The following DLG4 variants were observed in gnomAD, a reference collection of about 807,000 sequenced individuals.
The protein encoded by DLG4 is disks large homolog 4.
A neutral mutation model predicts 93.8 loss-of-function variants in DLG4; 7 were observed. That is an observed-to-expected ratio of 0.07 (90% CI 0.04 to 0.14). The LOEUF (loss-of-function observed/expected upper bound fraction) is 0.14. Among genes scored for constraint, DLG4 ranks in the 10% least tolerant of loss-of-function variants. The pLI is 1.00. For missense variants in DLG4, 545 were observed against 992.9 expected (o/e 0.55, Z 6.06); for synonymous variants, 341 against 387.6 (o/e 0.88, Z 1.41).
At chr17:7,205,796 C>T (rs2070437462) in intron 2 of DLG4, among the ~76,000 whole-genome samples, 2 of 144,424 alleles carry the variant, frequency 1.4e-5, no homozygotes, top group Admixed American at 6.9e-5. Context: ...GCCCGTCCCC[C>T]ATCCCGCAGC....
In DLG4 at chr17:7,188,503, G is replaced by C. The variant is rs377281162; in HGVS notation, c.*2205C>G. ...AGTACCCCAGCAGGTGCCCCCAAAG[G>C]TTCATCTGTGCCAAACACATGAAGA... On this transcript the variant is annotated 3_prime_UTR_variant, in exon 20 of 20. Coordinates refer to ENST00000399506, the MANE Select transcript of DLG4 (RefSeq NM_001321075.3). 6.6e-6 allele frequency among the ~76,000 whole-genome samples: 1 copy of C among 152,092 alleles called. No homozygotes were observed. Among genetic ancestry groups the C allele is most frequent in the Non-Finnish European group, 1.5e-5 (1 of 68,024 alleles).
intron 8 of DLG4, among the ~76,000 whole-genome samples, chr17:7,200,632 C>T (rs1413509835): frequency 6.6e-6 from 1 of 151,880 alleles, no homozygotes; most frequent in African/African-American, 2.4e-5. Context: ...CCGCAACCTC[C>T]GCCTCCCAGG....
chr17:7,206,049 C>T (rs1371951619), intron 2 of DLG4, among the ~76,000 whole-genome samples: 2 of 151,940 alleles, frequency 1.3e-5, no homozygotes, highest in Admixed American at 1.3e-4. Context: ...CTGTCGCACC[C>T]TCCAGCCCCA....
Position 7,194,891 on chromosome 17 carries a change from T to G in DLG4, c.1302-396A>C, listed in dbSNP as rs1020381994. Among the ~76,000 whole-genome samples the G allele has an allele frequency of 6.6e-6, 1 of 151,328 alleles. No individual in the cohort carries two copies. Among genetic ancestry groups the G allele is most frequent in the Non-Finnish European group, 1.5e-5 (1 of 67,832 alleles). On this transcript the variant is annotated intron_variant, in intron 11 of 19. Coordinates refer to ENST00000399506, the MANE Select transcript of DLG4 (RefSeq NM_001321075.3). The surrounding 1 kb of genome is among the most constrained non-coding windows in gnomAD (Gnocchi z 4.4). ...AATATTAGCCGGGCACGGTGGCGGG[T>G]GCCTGTATTCCCAGCTTCTCGGGAG...
intron 17 of DLG4, 150 bp downstream of exon 17, chr17:7,192,795 A>T (rs1414718680): frequency 2.4e-6 from 2 of 840,258 alleles, no homozygotes; most frequent in Non-Finnish European, 3.6e-6. Flanking sequence ...AGTCAGACAG[A>T]GTTGCCCAAG....
intron 2 of DLG4, among the ~76,000 whole-genome samples, chr17:7,206,419 C>A (rs2070466938): frequency 6.6e-6 from 1 of 152,032 alleles, no homozygotes; most frequent in South Asian, 2.1e-4. Context: ...TGTCCTGAGA[C>A]CTCCACCCCA....
chr17:7,219,755 A>C, upstream of DLG4: 1 of 1,463,486 alleles, frequency 6.8e-7, no homozygotes, highest in South Asian at 1.4e-5. Context: ...GACGGGCGGG[A>C]TTAAGGAGTT....
rs1477093581 is a variant in DLG4 at position 7,187,305 on chromosome 17, CGAGGGGG to C, written c.*3396_*3402del. On this transcript the variant is annotated 3_prime_UTR_variant, in exon 20 of 20. Coordinates refer to ENST00000399506, the MANE Select transcript of DLG4 (RefSeq NM_001321075.3). ...CTGTAATCCTAGCACTTTGGGAGGC[CGAGGGGG>C]GGGGGGGTGGATCACCCGAGGTCAG... Among the ~76,000 whole-genome samples, 1 of 28,800 alleles carries C rather than the reference CGAGGGGG, an allele frequency of 3.5e-5. No individual in the cohort carries two copies. Among genetic ancestry groups the C allele is most frequent in the Admixed American group, 5.0e-4 (1 of 1,988 alleles). 18.9% of individuals were successfully genotyped at this position (28,800 alleles called of 152,430 possible). A position where few individuals can be genotyped will look rare whatever the true frequency, so the allele number is the denominator to read the frequency against.
At chr17:7,218,205 C>T (rs1369743828), upstream of DLG4, 2 of 1,588,568 alleles carry the variant, frequency 1.3e-6, no homozygotes, top group African/African-American at 1.3e-5. Flanking sequence ...CCTGCCTGCC[C>T]CTCAGGAAGT....
chr17:7,217,040 G>A, intron 1 of DLG4, 78 bp downstream of exon 1: 1 of 1,217,698 alleles, frequency 8.2e-7, no homozygotes, highest in Non-Finnish European at 1.0e-6. Flanking sequence ...AGGGGCGCCA[G>A]TCCCAGATAA....
intron 8 of DLG4, among the ~76,000 whole-genome samples, chr17:7,197,808 A>T (rs1222780): frequency 0.018 from 2,712 of 152,200 alleles, 99 homozygotes; most frequent in East Asian, 0.17. Flanking sequence ...CTAACAGGGA[A>T]ATTACTGCTT....
intron 2 of DLG4, among the ~76,000 whole-genome samples, chr17:7,205,392 G>T (rs1035560871): frequency 4.6e-5 from 7 of 152,148 alleles, no homozygotes; most frequent in Non-Finnish European, 1.0e-4. Flanking sequence ...TATGGCAATG[G>T]GGGGAGGCCG....
Position 7,191,200 on chromosome 17 carries a change from G to C in DLG4, c.2068+67C>G. 11 of 1,488,144 alleles carry C rather than the reference G, an allele frequency of 7.4e-6. 1 individual carries two copies. The South Asian group carries it at 8.0e-5, about 11-fold the overall frequency. The allele number at this position is 1,488,144 out of a possible 1,614,324, so 92.2% of individuals were successfully genotyped here. ...TTCTAAGCCATCCACTGGGGGTGGC[G>C]GGGGAGCTCTTTCTAATCCGAGCAA... is the stretch of plus-strand genomic sequence containing the variant. On this transcript the variant is annotated intron_variant, in intron 19 of 19. Coordinates refer to ENST00000399506, the MANE Select transcript of DLG4 (RefSeq NM_001321075.3). This position sits in a 1 kb window ranked among gnomAD's most constrained non-coding sequence, Gnocchi z 6.6.
intron 1 of DLG4, among the ~76,000 whole-genome samples, chr17:7,216,062 G>A (rs1340165690): frequency 2.0e-5 from 3 of 150,542 alleles, no homozygotes; most frequent in East Asian, 1.9e-4. Flanking sequence ...CAACCAGAGG[G>A]ACACTCTTGC....
At chr17:7,217,709 C>T, upstream of DLG4, 1 of 1,533,978 alleles carries the variant, frequency 6.5e-7, no homozygotes, top group Non-Finnish European at 8.7e-7. Context: ...TCCTTCTGTG[C>T]TGGCAGGAAC....
chr17:7,217,118 C>A lies in DLG4; in HGVS notation c.30G>T (p.Lys10Asn). MDCLCIVTT[K>N]KYRYQDEDTP... ...TTTATAGCCCCCCCATCATGCTTAC[C>A]TTGGTTGTCACTATACAGAGACAGT... Residue 10 changes from lysine to asparagine, a missense_variant and splice_region_variant, in exon 1 of 20, where the codon AAG (lysine) becomes AAT (asparagine). Physicochemically the swap from Lys to Asn is moderately conservative, Grantham distance 94. Around this residue, in one of 5 missense-constraint regions of DLG4, gnomAD observed 49 missense variants for 80.4 expected, o/e 0.61. Transcript: ENST00000399506. 7.7e-7 allele frequency: 1 copy of A among 1,292,484 alleles called. No individual in the cohort carries two copies. Among genetic ancestry groups the A allele is most frequent in the Non-Finnish European group, 9.8e-7 (1 of 1,018,104 alleles). 80.1% of individuals were successfully genotyped at this position (1,292,484 alleles called of 1,614,324 possible).
chr17:7,206,541 CT>C (rs2070472570), intron 2 of DLG4, among the ~76,000 whole-genome samples: 1 of 152,128 alleles, frequency 6.6e-6, no homozygotes, highest in Admixed American at 6.5e-5. Context: ...CCTCTTCCCC[CT>C]GCTCAGGGAT....
At position 7,188,184 on chromosome 17, in the gene DLG4, T is replaced by C. The variant is rs1258976821; in HGVS notation, c.*2524A>G. Among the ~76,000 whole-genome samples, 1 of 152,170 alleles carries C rather than the reference T, an allele frequency of 6.6e-6. No individual in the cohort carries two copies. The highest frequency in any genetic ancestry group is 1.5e-5 in the Non-Finnish European group (1 of 68,038). ...CCCCTGGTCCCTATCCCCAGGATCCTGATGGACTCGGTCCTGCATAGAAAA... is the reference window on the plus strand; with the variant it reads ...CCCCTGGTCCCTATCCCCAGGATCCCGATGGACTCGGTCCTGCATAGAAAA... On this transcript the variant is annotated 3_prime_UTR_variant, in exon 20 of 20. Transcript: ENST00000399506.
chr17:7,215,708 A>T (rs1297480110), intron 1 of DLG4, among the ~76,000 whole-genome samples: 1 of 152,086 alleles, frequency 6.6e-6, no homozygotes, highest in Non-Finnish European at 1.5e-5. Context: ...TCAGCCCCCA[A>T]TCTCTTCCAA....
Sources: allele counts gnomAD v4.1 joint callset (sites outside exome capture counted in the v4.1 genomes callset), GRCh38; gene constraint gnomAD v4.1.1; regional missense constraint gnomAD v4.1.1; non-coding constraint Gnocchi (gnomAD v3.1); transcripts MANE v1.5; gene names NCBI Gene and HGNC (gene_info 2026-07-23, HGNC 2026-07-21).